OSBPL3: variants seen among roughly 807,000 people sequenced by gnomAD.
OSBPL3 encodes the protein oxysterol-binding protein-related protein 3.
OSBPL3 carries 65 observed loss-of-function variants against 120.1 expected under a neutral mutation model. The observed-to-expected ratio is 0.54, with a 90% CI of 0.44 to 0.67. The LOEUF is 0.67. OSBPL3 is among the 30% of genes least tolerant of loss of function. OSBPL3 has a pLI of 0.00. For synonymous variants in OSBPL3, 416 were observed against 402.6 expected, an observed-to-expected ratio of 1.03 and a Z score of -0.40; for missense variants, 1,004 against 1,082.1, an observed-to-expected ratio of 0.93 and a Z score of 1.01.
intron 1 of OSBPL3, among the ~76,000 whole-genome samples, chr7:24,956,818 C>T (rs886080112): frequency 1.3e-5 from 2 of 152,124 alleles, no homozygotes; most frequent in Admixed American, 1.3e-4. Context: ...AACTCTTTCA[C>T]CCTTCAACCA....
chr7:24,804,569 C>T lies in OSBPL3; in HGVS notation c.2445-132G>A, dbSNP rs563668218. ...CCTATACGTAAGACCCCGCCCCAAC[C>T]GTTTAATCCGTATCTTGAAGTAGTC... is the stretch of plus-strand genomic sequence containing the variant. On this transcript the variant is annotated intron_variant, in intron 21 of 22. Transcript: ENST00000313367. This position sits in a 1 kb window ranked among gnomAD's most constrained non-coding sequence, Gnocchi z 5.4. The T allele has an allele frequency of 3.5e-5, 25 of 712,168 alleles. No homozygotes were observed. Among genetic ancestry groups the T allele is most frequent in the South Asian group, 1.8e-4 (9 of 50,330 alleles). The allele number at this position is 712,168 out of a possible 1,614,324, so 44.1% of individuals were successfully genotyped here.
At position 24,808,834 on chromosome 7, in the gene OSBPL3, T is replaced by C. The variant is rs773508701; in HGVS notation, c.2317+973A>G. Among the ~76,000 whole-genome samples the C allele has an allele frequency of 3.3e-5, 5 of 152,212 alleles. No individual in the cohort carries two copies. The highest frequency in any genetic ancestry group is 6.5e-5 in the Admixed American group (1 of 15,270). ...GGCTGACGTGATATAAAGTCCCATT[T>C]GCTGCGGGATCTTAGGAAATGTTCC... On this transcript the variant is annotated intron_variant, in intron 20 of 22. Coordinates refer to ENST00000313367, the MANE Select transcript of OSBPL3 (RefSeq NM_015550.4). The surrounding 1 kb of genome is among the most constrained non-coding windows in gnomAD (Gnocchi z 4.6).
chr7:24,856,700 A>C (rs915509226), intron 10 of OSBPL3, among the ~76,000 whole-genome samples: 1 of 152,162 alleles, frequency 6.6e-6, no homozygotes, highest in Non-Finnish European at 1.5e-5. Flanking sequence ...GGAGCGCTTT[A>C]AGCAATGAGA....
At chr7:24,889,035 A>G (rs1408261472) in intron 2 of OSBPL3, among the ~76,000 whole-genome samples, 1 of 152,064 alleles carries the variant, frequency 6.6e-6, no homozygotes, top group African/African-American at 2.4e-5. Flanking sequence ...TGCCACCCTC[A>G]CTCCAAATAT....
rs1433595500 is a variant in OSBPL3 at position 24,799,560 on chromosome 7, T to G, written c.*623A>C. On this transcript the variant is annotated 3_prime_UTR_variant, in exon 23 of 23. Transcript: ENST00000313367. This position sits in a 1 kb window ranked among gnomAD's most constrained non-coding sequence, Gnocchi z 5.3. ...TATAGGGAGGAACAAGTTCAAATGC[T>G]TCCTTTTCAAGAAGGTGCCGTATAC... The G allele has an allele frequency of 6.6e-6, 1 of 152,250 alleles. No individual in the cohort carries two copies. The highest frequency in any genetic ancestry group is 2.4e-5 in the African/African-American group (1 of 41,458). 9.4% of individuals were successfully genotyped at this position (152,250 alleles called of 1,614,324 possible). A position where few individuals can be genotyped will look rare whatever the true frequency, so the allele number is the denominator to read the frequency against.
At position 24,943,123 on chromosome 7, in the gene OSBPL3, T is replaced by C. The variant is rs574535063; in HGVS notation, c.-150+36763A>G. Among the ~76,000 whole-genome samples the C allele has an allele frequency of 2.0e-5, 3 of 152,310 alleles. No homozygotes were observed. In the South Asian group the frequency reaches 6.2e-4, roughly 32 times the overall value. On this transcript the variant is annotated intron_variant, in intron 1 of 22. Coordinates refer to ENST00000313367, the MANE Select transcript of OSBPL3 (RefSeq NM_015550.4). ...CAGAAAGTTTTCCCACATTATGCTG[T>C]AGATCATTAAGTCCTTACTATAGTC... is the stretch of plus-strand genomic sequence containing the variant.
At chr7:24,841,199 C>T (rs1584327390) in intron 13 of OSBPL3, among the ~76,000 whole-genome samples, 3 of 152,090 alleles carry the variant, frequency 2.0e-5, no homozygotes, top group African/African-American at 7.2e-5. Context: ...ATTATTAGTA[C>T]ACACTGTTAA....
chr7:24,923,015 C>T lies in OSBPL3; in HGVS notation c.-149-30394G>A, dbSNP rs567440093. Among the ~76,000 whole-genome samples the T allele has an allele frequency of 2.0e-5, 3 of 152,344 alleles. No homozygotes were observed. In the South Asian group the frequency reaches 6.2e-4, roughly 32 times the overall value. On this transcript the variant is annotated intron_variant, in intron 1 of 22. Coordinates refer to ENST00000313367, the MANE Select transcript of OSBPL3 (RefSeq NM_015550.4). ...ACATGACCATCAGAGATACTCTACA[C>T]TATAACCACTACATACTTCCCCGCC...
intron 2 of OSBPL3, among the ~76,000 whole-genome samples, chr7:24,882,196 A>G (rs1242707751): frequency 1.3e-5 from 2 of 152,112 alleles, no homozygotes; most frequent in Admixed American, 1.3e-4. Context: ...CAGGGCTTTC[A>G]GGGTATCCAT....
intron 14 of OSBPL3, among the ~76,000 whole-genome samples, chr7:24,839,700 A>T (rs747343102): frequency 1.8e-4 from 27 of 152,138 alleles, no homozygotes; most frequent in Non-Finnish European, 3.8e-4. Flanking sequence ...TGCAAAAGGG[A>T]TATCTGGCCC....
At position 24,834,585 on chromosome 7, in the gene OSBPL3, C is replaced by A. The variant is rs138328211; in HGVS notation, c.1647G>T (p.Leu549=). The change falls in exon 15 of 23, where the codon CTG becomes CTT. Residue 549 remains leucine (L), a synonymous_variant. Coordinates refer to ENST00000313367, the MANE Select transcript of OSBPL3 (RefSeq NM_015550.4). The surrounding 1 kb of genome is among the most constrained non-coding windows in gnomAD (Gnocchi z 5.2). ...TCTGCAGCGTGTTCAGGGGCTCGTT[C>A]AGCTCCACCGGCATGGCCACCTTGG... is the stretch of plus-strand genomic sequence containing the variant. ...DLSKVAMPVE[L]NEPLNTLQRL... The A allele has an allele frequency of 1.1e-4, 175 of 1,614,072 alleles. No homozygotes were observed. Among genetic ancestry groups the A allele is most frequent in the Non-Finnish European group, 1.4e-4 (162 of 1,180,032 alleles).
At position 24,968,364 on chromosome 7, in the gene OSBPL3, C is replaced by G. The variant is rs116354060; in HGVS notation, c.-150+11522G>C. On this transcript the variant is annotated intron_variant, in intron 1 of 22. Coordinates refer to ENST00000313367, the MANE Select transcript of OSBPL3 (RefSeq NM_015550.4). This position sits in a 1 kb window ranked among gnomAD's most constrained non-coding sequence, Gnocchi z 4.6. ...TTGGGAAGTCACGCACAGTTGGTTC[C>G]CACATGCCGGTGTAAACTGGCTTCA... 6.6e-6 allele frequency among the ~76,000 whole-genome samples: 1 copy of G among 152,168 alleles called. No homozygotes were observed. Among genetic ancestry groups the G allele is most frequent in the African/African-American group, 2.4e-5 (1 of 41,446 alleles).
chr7:24,813,940 CATGTGTGCCA>C lies in OSBPL3; in HGVS notation c.2172+1109_2172+1118del, dbSNP rs1339747698. On this transcript the variant is annotated intron_variant, in intron 19 of 22. Coordinates refer to ENST00000313367, the MANE Select transcript of OSBPL3 (RefSeq NM_015550.4). This position sits in a 1 kb window ranked among gnomAD's most constrained non-coding sequence, Gnocchi z 4.5. The stretch of plus-strand genomic sequence containing the variant: ...ATTCTCTGAATGTTTATGAGTCTCT[CATGTGTGCCA>C]GACACCATTGCAGGAATCAGGGCTA... 6.6e-6 allele frequency among the ~76,000 whole-genome samples: 1 copy of C among 152,114 alleles called. No individual in the cohort carries two copies. Among genetic ancestry groups the C allele is most frequent in the Non-Finnish European group, 1.5e-5 (1 of 68,026 alleles).
intron 13 of OSBPL3, 33 bp from the exon 14 acceptor site, chr7:24,840,816 T>C (rs1301239612): frequency 9.9e-7 from 1 of 1,012,518 alleles, no homozygotes; most frequent in African/African-American, 1.7e-5. Context: ...TTCATTAGAG[T>C]TAGAATAAAC....
At position 24,802,378 on chromosome 7, in the gene OSBPL3, C is replaced by G. The variant is rs547476114; in HGVS notation, c.2567+1937G>C. On this transcript the variant is annotated intron_variant, in intron 22 of 22. Coordinates refer to ENST00000313367, the MANE Select transcript of OSBPL3 (RefSeq NM_015550.4). The surrounding 1 kb of genome is among the most constrained non-coding windows in gnomAD (Gnocchi z 4.1). ...AAGGAGGACTGCTACTGCTGAACAACTCTCGCTCTTTCTCCAATTGAAAAA... is the reference window on the plus strand; with the variant it reads ...AAGGAGGACTGCTACTGCTGAACAAGTCTCGCTCTTTCTCCAATTGAAAAA... Among the ~76,000 whole-genome samples, 1 of 152,330 alleles carries G rather than the reference C, an allele frequency of 6.6e-6. No homozygotes were observed. Among genetic ancestry groups the G allele is most frequent in the African/African-American group, 2.4e-5 (1 of 41,574 alleles).
intron 5 of OSBPL3, among the ~76,000 whole-genome samples, chr7:24,870,043 G>A (rs931705374): frequency 4.6e-5 from 7 of 152,170 alleles, no homozygotes; most frequent in Non-Finnish European, 1.0e-4. Context: ...TTTTCTACAT[G>A]CAACCCGACA....
At position 24,919,475 on chromosome 7, in the gene OSBPL3, T is replaced by C. The variant is rs186040088; in HGVS notation, c.-149-26854A>G. Among the ~76,000 whole-genome samples, 5 of 152,192 alleles carry C rather than the reference T, an allele frequency of 3.3e-5. 1 individual carries two copies. The highest frequency in any genetic ancestry group is 2.6e-4 in the Admixed American group (4 of 15,284). On this transcript the variant is annotated intron_variant, in intron 1 of 22. Transcript: ENST00000313367. ...ATATCTACATGCAAAATAATAAAGTTGGGCCCCCTACCTCACACTATATAC... is the reference window on the plus strand; with the variant it reads ...ATATCTACATGCAAAATAATAAAGTCGGGCCCCCTACCTCACACTATATAC...
Position 24,847,180 on chromosome 7 carries a change from A to C in OSBPL3, c.1266+1889T>G, listed in dbSNP as rs533098329. ...GGTGGAGACTGTCATTTCCCAATAGAGTACCAGAGGTAACCGGGAGTTACC... is the reference window on the plus strand; with the variant it reads ...GGTGGAGACTGTCATTTCCCAATAGCGTACCAGAGGTAACCGGGAGTTACC... On this transcript the variant is annotated intron_variant, in intron 12 of 22. Coordinates refer to ENST00000313367, the MANE Select transcript of OSBPL3 (RefSeq NM_015550.4). 2.6e-5 allele frequency among the ~76,000 whole-genome samples: 4 copies of C among 152,312 alleles called. No individual in the cohort carries two copies. In the South Asian group the frequency reaches 8.3e-4, roughly 32 times the overall value.
intron 10 of OSBPL3, among the ~76,000 whole-genome samples, chr7:24,853,477 G>A (rs932810765): frequency 2.0e-5 from 3 of 152,290 alleles, no homozygotes; most frequent in Non-Finnish European, 4.4e-5. Flanking sequence ...AGAAAGAAAG[G>A]CTGAGGAACT....
Sources: gnomAD v4.1 joint callset for allele counts (sites outside exome capture counted in the v4.1 genomes callset) on GRCh38, gnomAD v4.1.1 for gene constraint, Gnocchi (gnomAD v3.1) non-coding constraint, MANE v1.5 for transcripts, NCBI Gene and HGNC (gene_info 2026-07-23, HGNC 2026-07-21) for gene names.